CFAP20DC: variants seen among roughly 807,000 people sequenced by gnomAD.
CFAP20DC encodes CFAP20 domain containing.
In CFAP20DC, 84 loss-of-function variants were observed where a neutral mutation model predicts 101.7. The observed-to-expected ratio is 0.83, with a 90% CI of 0.69 to 0.99. The LOEUF (loss-of-function observed/expected upper bound fraction) is 0.99. CFAP20DC is among the 50% of genes least tolerant of loss of function. CFAP20DC has a pLI of 0.00. For synonymous variants in CFAP20DC, 359 were observed against 351.2 expected (o/e 1.02, Z -0.25); for missense variants, 1,007 against 970.3 (o/e 1.04, Z -0.50).
intron 4 of CFAP20DC, among the ~76,000 whole-genome samples, chr3:58,987,962 A>C (rs1327759491): frequency 2.6e-5 from 4 of 152,060 alleles, no homozygotes. Flanking sequence ...TTAATTTATC[A>C]AATATAATTT....
At chr3:59,022,411 C>T (rs1375610856) in intron 4 of CFAP20DC, among the ~76,000 whole-genome samples, 2 of 151,814 alleles carry the variant, frequency 1.3e-5, no homozygotes, top group African/African-American at 4.8e-5. Flanking sequence ...ATTGAGCTGC[C>T]AAAGCTTTTT....
intron 6 of CFAP20DC, among the ~76,000 whole-genome samples, chr3:58,907,038 C>T (rs1282819889): frequency 6.6e-6 from 1 of 152,044 alleles, no homozygotes; most frequent in African/African-American, 2.4e-5. Flanking sequence ...TTTCACTAGT[C>T]TATGGTGAAA....
At chr3:58,950,541 T>C (rs1307053502) in intron 4 of CFAP20DC, among the ~76,000 whole-genome samples, 3 of 152,176 alleles carry the variant, frequency 2.0e-5, no homozygotes, top group South Asian at 2.1e-4. Context: ...CAAAACAGCA[T>C]GGTACTGGTA....
Position 58,816,460 on chromosome 3 carries a change from G to A in CFAP20DC, c.2176-10004C>T, listed in dbSNP as rs751609392. Among the ~76,000 whole-genome samples, 7 of 152,288 alleles carry A rather than the reference G, an allele frequency of 4.6e-5. No homozygotes were observed. The East Asian group carries it at 9.7e-4, about 21-fold the overall frequency. ...CACCGTGCGCGAGCCGAAGCAGGGC[G>A]AGGCATTGCCTCACCTGGGAAGCGC... On this transcript the variant is annotated intron_variant, in intron 14 of 16. Coordinates refer to ENST00000482387, the MANE Select transcript of CFAP20DC (RefSeq NM_001394063.1).
chr3:58,870,420 C>T, intron 7 of CFAP20DC, 111 bp from the exon 8 acceptor site: 1 of 1,023,724 alleles, frequency 9.8e-7, no homozygotes, highest in Non-Finnish European at 1.5e-6. Context: ...CAAATCCCCC[C>T]TCCCCCCTCA....
At chr3:58,785,370 A>G (rs2072241914) in intron 15 of CFAP20DC, among the ~76,000 whole-genome samples, 1 of 152,090 alleles carries the variant, frequency 6.6e-6, no homozygotes, top group South Asian at 2.1e-4. Context: ...AAAGTTTGAT[A>G]GCAGAGTAAG....
At chr3:58,815,199 C>G (rs1174793045) in intron 14 of CFAP20DC, among the ~76,000 whole-genome samples, 1 of 151,524 alleles carries the variant, frequency 6.6e-6, no homozygotes, top group Non-Finnish European at 1.5e-5. Flanking sequence ...TCAGAAATAA[C>G]GCTGCATATC....
At chr3:58,822,199 G>C (rs1298682287) in intron 14 of CFAP20DC, among the ~76,000 whole-genome samples, 4 of 149,826 alleles carry the variant, frequency 2.7e-5, no homozygotes, top group African/African-American at 4.9e-5. Context: ...AATGCTAGAT[G>C]AGGAGTTAGT....
At chr3:58,811,150 A>G (rs1219351204) in intron 14 of CFAP20DC, among the ~76,000 whole-genome samples, 1 of 152,116 alleles carries the variant, frequency 6.6e-6, no homozygotes, top group Admixed American at 6.6e-5. Flanking sequence ...TATAGATGCA[A>G]TGCCATCCCC....
intron 15 of CFAP20DC, among the ~76,000 whole-genome samples, chr3:58,776,116 C>A (rs1176649120): frequency 6.6e-6 from 1 of 152,116 alleles, no homozygotes; most frequent in African/African-American, 2.4e-5. Flanking sequence ...AGGGGCTAAG[C>A]CTCCCTTAAC....
intron 15 of CFAP20DC, among the ~76,000 whole-genome samples, chr3:58,806,127 T>TA (rs2074034766): frequency 6.6e-6 from 1 of 152,242 alleles, no homozygotes; most frequent in African/African-American, 2.4e-5. Flanking sequence ...TCCAAAATAC[T>TA]ATGAAGTAAT....
chr3:58,845,159 A>G (rs2077508451), intron 13 of CFAP20DC, among the ~76,000 whole-genome samples: 2 of 151,240 alleles, frequency 1.3e-5, no homozygotes, highest in Admixed American at 6.6e-5. Context: ...AAATAACTAA[A>G]ATCAGAGCAG....
intron 14 of CFAP20DC, among the ~76,000 whole-genome samples, chr3:58,812,786 G>A (rs1412317264): frequency 6.6e-6 from 1 of 151,904 alleles, no homozygotes; most frequent in East Asian, 1.9e-4. Context: ...TGGTATAAAT[G>A]AGAAATCACA....
chr3:58,863,384 G>T lies in CFAP20DC; in HGVS notation c.1593+174C>A. 2.2e-6 allele frequency: 3 copies of T among 1,334,958 alleles called. No homozygotes were observed. The highest frequency in any genetic ancestry group is 3.4e-5 in the Admixed American group (1 of 29,088). The allele number at this position is 1,334,958 out of a possible 1,614,324, so 82.7% of individuals were successfully genotyped here. On this transcript the variant is annotated intron_variant, in intron 12 of 16. Transcript: ENST00000482387. This position sits in a 1 kb window ranked among gnomAD's most constrained non-coding sequence, Gnocchi z 5.9. The stretch of plus-strand genomic sequence containing the variant: ...TGACTGTTAATTAAAAAAAAAAAAA[G>T]ACAGTTTAAAGTTACCATAACAACC...
chr3:58,786,627 T>C (rs2072364066), intron 15 of CFAP20DC, among the ~76,000 whole-genome samples: 1 of 151,844 alleles, frequency 6.6e-6, no homozygotes, highest in African/African-American at 2.4e-5. Context: ...TCCGTGATAG[T>C]ATCACAGTGC....
At position 58,912,584 on chromosome 3, in the gene CFAP20DC, A is replaced by T. The variant is rs2084263680; in HGVS notation, c.550+1124T>A. Reference sequence around the variant, plus strand: ...TAATCACCTTTGACATCTTATATGCAGCCCTGCTTCCTGGACTTCTAGAAG... The same window carrying T: ...TAATCACCTTTGACATCTTATATGCTGCCCTGCTTCCTGGACTTCTAGAAG... On this transcript the variant is annotated intron_variant, in intron 6 of 16. Transcript: ENST00000482387. This position sits in a 1 kb window ranked among gnomAD's most constrained non-coding sequence, Gnocchi z 4.4. 2.7e-6 allele frequency: 1 copy of T among 375,056 alleles called. No homozygotes were observed. The highest frequency in any genetic ancestry group is 5.2e-6 in the Non-Finnish European group (1 of 192,590). The allele number at this position is 375,056 out of a possible 1,614,324, so 23.2% of individuals were successfully genotyped here.
In CFAP20DC at chr3:58,719,699, A is replaced by C. The variant is rs888452815; in HGVS notation, c.198-2071T>G. On this transcript the variant is annotated intron_variant, in intron 3 of 3. Coordinates refer to the CFAP20DC transcript ENST00000486145. Reference sequence around the variant, plus strand: ...CGCCTGTGTCTCCCAAGAAAAGGGGAAACAGTGGTTTGGCTTCTCTCTTCC... The same window carrying C: ...CGCCTGTGTCTCCCAAGAAAAGGGGCAACAGTGGTTTGGCTTCTCTCTTCC... Among the ~76,000 whole-genome samples the C allele has an allele frequency of 2.6e-5, 4 of 152,164 alleles. No individual in the cohort carries two copies. In the East Asian group the frequency reaches 7.7e-4, roughly 29 times the overall value.
intron 13 of CFAP20DC, among the ~76,000 whole-genome samples, chr3:58,842,870 G>C (rs1287033784): frequency 6.6e-6 from 1 of 152,192 alleles, no homozygotes; most frequent in Non-Finnish European, 1.5e-5. Context: ...CCCCCGAGCA[G>C]CCTAACTGGG....
chr3:58,831,597 C>A, intron 14 of CFAP20DC, 89 bp downstream of exon 14: 2 of 1,128,920 alleles, frequency 1.8e-6, no homozygotes, highest in East Asian at 2.5e-5. Context: ...CATTTTGGTC[C>A]TGGCTTTTCC....
Sources: allele counts gnomAD v4.1 joint callset (sites outside exome capture counted in the v4.1 genomes callset), GRCh38; gene constraint gnomAD v4.1.1; non-coding constraint Gnocchi (gnomAD v3.1); transcripts MANE v1.5; gene names NCBI Gene and HGNC (gene_info 2026-07-23, HGNC 2026-07-21).